The following PLXNA1 variants were observed in gnomAD, a reference collection of about 807,000 sequenced individuals.
PLXNA1 encodes the protein plexin A1.
In PLXNA1, 77 loss-of-function variants were observed where a neutral mutation model predicts 191.7. The ratio of observed to expected loss-of-function variants is 0.40; its 90% CI spans 0.33 to 0.49. The LOEUF is 0.49. Ranked by LOEUF, PLXNA1 falls within the 20% of genes least tolerant of loss-of-function variation. The probability of loss-of-function intolerance (pLI) is 0.63; values close to 1 mark genes in which losing one functional copy is unlikely to be tolerated. For synonymous variants in PLXNA1, 1,137 were observed against 1,156.4 expected, an observed-to-expected ratio of 0.98 and a Z score of 0.34; for missense variants, 2,110 against 2,660.2, an observed-to-expected ratio of 0.79 and a Z score of 4.55.
rs1232215636 is a variant in PLXNA1, at chr3:127,003,429, A to G, written c.1477A>G (p.Ser493Gly). ...GSPILRDLVLSPNHQYLYAMT... is the reference protein window; with the variant it reads ...GSPILRDLVLGPNHQYLYAMT... ...CCCCATCCTGCGAGACCTCGTCCTC[A>G]GCCCCAACCACCAGTACCTCTACGC... Residue 493 changes from serine (S) to glycine (G), a missense_variant, in exon 4 of 32, where the codon AGC becomes GGC. Physicochemically the swap from Ser to Gly is moderately conservative, Grantham distance 56 (BLOSUM62 0). Coordinates refer to ENST00000393409, the MANE Select transcript of PLXNA1 (RefSeq NM_032242.4). 6.2e-7 allele frequency: 1 copy of G among 1,611,810 alleles called. No homozygotes were observed. The highest frequency in any genetic ancestry group is 1.7e-5 in the Admixed American group (1 of 59,944).
At position 126,994,480 on chromosome 3, in the gene PLXNA1, C is replaced by T. The variant is rs186268548; in HGVS notation, c.1377+2914C>T. On this transcript the variant is annotated intron_variant, in intron 3 of 31. Coordinates refer to ENST00000393409, the MANE Select transcript of PLXNA1 (RefSeq NM_032242.4). ...ACAGGCCACATGGGCAGAGGGTGCC[C>T]TGGGTTTGGGGTGAGGGGCCAGGAG... Among the ~76,000 whole-genome samples the T allele has an allele frequency of 2.0e-5, 3 of 152,234 alleles. No individual in the cohort carries two copies. In the East Asian group the frequency reaches 5.8e-4, roughly 29 times the overall value.
At chr3:127,006,209 G>T (rs374109964) in intron 8 of PLXNA1, 31 bp downstream of exon 8, 1 of 1,565,978 alleles carries the variant, frequency 6.4e-7, no homozygotes, top group East Asian at 2.2e-5. Context: ...CCGCCCGCCT[G>T]GGCCTGGGCT....
intron 9 of PLXNA1, among the ~76,000 whole-genome samples, 154 bp downstream of exon 9, chr3:127,008,067 A>C (rs2079077491): frequency 6.6e-6 from 1 of 152,200 alleles, no homozygotes; most frequent in Admixed American, 6.5e-5. Context: ...AGGCTGGGTC[A>C]GTGAGGTGAC....
intron 3 of PLXNA1, among the ~76,000 whole-genome samples, chr3:126,992,638 G>C (rs1206521839): frequency 6.6e-6 from 1 of 152,076 alleles, no homozygotes; most frequent in Non-Finnish European, 1.5e-5. Context: ...TGGGGGCGGG[G>C]GGTGCTGGTG....
Position 127,035,919 on chromosome 3 carries a change from G to A in PLXNA1, c.*1902G>A, listed in dbSNP as rs971066835. The A allele has an allele frequency of 2.0e-5, 3 of 152,474 alleles. No individual in the cohort carries two copies. Among genetic ancestry groups the A allele is most frequent in the African/African-American group, 7.2e-5 (3 of 41,464 alleles). The allele number at this position is 152,474 out of a possible 1,614,324, so 9.4% of individuals were successfully genotyped here. A position where few individuals can be genotyped will look rare whatever the true frequency, so the allele number is the denominator to read the frequency against. ...CCTTGGCCCCGTGGGCACTGTGCCA[G>A]GGCTGGGGCCTTCTGCTGCTGCCAC... On this transcript the variant is annotated 3_prime_UTR_variant, in exon 32 of 32. Transcript: ENST00000393409.
At chr3:127,030,808 C>T (rs189124992) in intron 29 of PLXNA1, among the ~76,000 whole-genome samples, 16 of 152,214 alleles carry the variant, frequency 1.1e-4, no homozygotes, top group Non-Finnish European at 1.6e-4. Context: ...GTCTTTAGTG[C>T]GAGGAATTTA....
At chr3:127,016,736 G>A in intron 16 of PLXNA1, 52 bp downstream of exon 16, 2 of 1,594,332 alleles carry the variant, frequency 1.3e-6, no homozygotes, top group Non-Finnish European at 1.7e-6. Flanking sequence ...GAGCAGCGCT[G>A]AGCCAGGAGC....
intron 27 of PLXNA1, 92 bp from the exon 28 acceptor site, chr3:127,029,782 G>T: frequency 7.1e-7 from 1 of 1,400,230 alleles, no homozygotes; most frequent in South Asian, 1.4e-5. Flanking sequence ...CATGGGTGGG[G>T]GTGCCATCCC....
intron 10 of PLXNA1, 64 bp from the exon 11 acceptor site, chr3:127,013,956 C>T (rs898774863): frequency 1.9e-5 from 27 of 1,444,234 alleles, no homozygotes; most frequent in East Asian, 2.3e-5. Flanking sequence ...GCTTTGTGGG[C>T]GTGAGGCTTG....
Position 126,991,470 on chromosome 3 carries a change from C to G in PLXNA1, c.1281C>G (p.Phe427Leu). Residue 427 changes from phenylalanine to leucine, a missense_variant, in exon 3 of 32, where the codon TTC becomes TTG. This residue lies in a region of PLXNA1 where 903 missense variants were observed against 1,015.7 expected (regional missense o/e 0.89). Transcript: ENST00000393409. ...GTVTIEGTPL[F>L]VDKDDGLTAV... ...TCACCATTGAGGGGACGCCCCTGTTCGTGGACAAGGATGATGGCCTGACCG... is the reference window on the plus strand; with the variant it reads ...TCACCATTGAGGGGACGCCCCTGTTGGTGGACAAGGATGATGGCCTGACCG... 2 of 1,612,786 alleles carry G rather than the reference C, an allele frequency of 1.2e-6. No homozygotes were observed. Among genetic ancestry groups the G allele is most frequent in the East Asian group, 4.5e-5 (2 of 44,870 alleles).
chr3:127,006,205 G>T (rs370785623), intron 8 of PLXNA1, 27 bp downstream of exon 8: 1 of 1,557,466 alleles, frequency 6.4e-7, no homozygotes. Context: ...CCCTCCGCCC[G>T]CCTGGGCCTG....
At chr3:126,997,789 G>A (rs2079021156) in intron 3 of PLXNA1, among the ~76,000 whole-genome samples, 1 of 152,228 alleles carries the variant, frequency 6.6e-6, no homozygotes, top group African/African-American at 2.4e-5. Flanking sequence ...TGGCTGGCAG[G>A]GCCACCCATG....
chr3:126,992,080 G>A (rs2078993652), intron 3 of PLXNA1, among the ~76,000 whole-genome samples: 2 of 152,206 alleles, frequency 1.3e-5, no homozygotes, highest in South Asian at 4.1e-4. Flanking sequence ...GGTGCTTGAG[G>A]AGCTCCAGCA....
chr3:127,010,564 G>A (rs373518557), intron 9 of PLXNA1, among the ~76,000 whole-genome samples: 6 of 152,322 alleles, frequency 3.9e-5, no homozygotes, highest in Admixed American at 2.0e-4. Flanking sequence ...CAGGGGTGGC[G>A]AGGGGACAGG....
intron 1 of PLXNA1, among the ~76,000 whole-genome samples, chr3:126,983,793 G>T (rs961551721): frequency 6.6e-6 from 1 of 152,024 alleles, no homozygotes; most frequent in Non-Finnish European, 1.5e-5. Context: ...GGGCGAGGAC[G>T]GGGTGGCCAG....
intron 3 of PLXNA1, among the ~76,000 whole-genome samples, 169 bp downstream of exon 3, chr3:126,991,735 C>T (rs900334689): frequency 1.3e-5 from 2 of 152,158 alleles, no homozygotes; most frequent in Non-Finnish European, 2.9e-5. Context: ...CCTTGAAGGG[C>T]CCCACTCCCC....
chr3:127,029,186 G>T, intron 26 of PLXNA1, 90 bp downstream of exon 26: 1 of 1,051,422 alleles, frequency 9.5e-7, no homozygotes. Flanking sequence ...ATGTGGGCTG[G>T]ACAGCAGCTG....
At chr3:127,008,028 G>A (rs2079077252) in intron 9 of PLXNA1, 115 bp downstream of exon 9, 2 of 660,946 alleles carry the variant, frequency 3.0e-6, no homozygotes, top group African/African-American at 3.6e-5. Flanking sequence ...TGGATGTCTG[G>A]GATGTCACCG....
rs1295233172 is a variant in PLXNA1, at chr3:127,007,852, A to G, written c.2051A>G (p.His684Arg). Residue 684 changes from histidine (H) to arginine (R), a missense_variant, in exon 9 of 32, where the codon CAC (histidine) becomes CGC (arginine). Around this residue, in one of 4 missense-constraint regions of PLXNA1, gnomAD observed 903 missense variants for 1,015.7 expected, o/e 0.89. Transcript: ENST00000393409. ...CCCTGCCACTGGTGCAAATACCGCC[A>G]CGTGTGCACACACAACGTGGCTGAC... is the stretch of plus-strand genomic sequence containing the variant. ...SFPCHWCKYRHVCTHNVADCA... is the reference protein window; with the variant it reads ...SFPCHWCKYRRVCTHNVADCA... 6 of 1,612,856 alleles carry G rather than the reference A, an allele frequency of 3.7e-6. No homozygotes were observed.
Sources: gnomAD v4.1 joint callset for allele counts (sites outside exome capture counted in the v4.1 genomes callset) on GRCh38, gnomAD v4.1.1 for gene constraint, gnomAD v4.1.1 regional missense constraint, MANE v1.5 for transcripts, NCBI Gene and HGNC (gene_info 2026-07-23, HGNC 2026-07-21) for gene names.